The following NADK2 variants were observed in gnomAD, a reference collection of about 807,000 sequenced individuals.
NADK2 encodes the protein NAD kinase domain-containing protein 1, mitochondrial.
In NADK2, 35 loss-of-function variants were observed where a neutral mutation model predicts 62.1. The observed-to-expected ratio is 0.56, with a 90% CI of 0.43 to 0.75. The LOEUF is 0.75. Among genes scored for constraint, NADK2 ranks in the 30% least tolerant of loss-of-function variants. The pLI is 0.00. For missense variants in NADK2, 439 were observed against 561.3 expected, an observed-to-expected ratio of 0.78 and a Z score of 2.20; for synonymous variants, 205 against 207.9, an observed-to-expected ratio of 0.99 and a Z score of 0.12.
At chr5:36,217,528 A>G (rs545075511) in intron 6 of NADK2, among the ~76,000 whole-genome samples, 49 of 152,252 alleles carry the variant, frequency 3.2e-4, no homozygotes, top group African/African-American at 1.1e-3. Flanking sequence ...TCCTTCCCTA[A>G]TCAGCTAGTT....
chr5:36,217,843 G>A lies in NADK2; in HGVS notation c.686C>T (p.Thr229Ile). Residue 229 changes from threonine to isoleucine, a missense_variant, in exon 6 of 12, where the codon ACT (threonine) becomes ATT (isoleucine). By Grantham distance (89) the Thr-to-Ile change is moderately conservative. Transcript: ENST00000381937. ...GTCCACAGGTACAGGGTTTATGCCA[G>A]TCCCTTCAAGGTATAACCTGATTCT... ...RQRIRLYLEG[T>I]GINPVPVDLH... The A allele has an allele frequency of 6.2e-7, 1 of 1,613,914 alleles. No individual in the cohort carries two copies. The highest frequency in any genetic ancestry group is 8.5e-7 in the Non-Finnish European group (1 of 1,179,872).
At position 36,205,470 on chromosome 5, in the gene NADK2, G is replaced by A. The variant is rs1344913419; in HGVS notation, c.956+1700C>T. Reference sequence around the variant, plus strand: ...ATTGCAAGTAGCTGTGCCAATTCTAGTGTGCCATAGGTGGGGGTAAGGGTA... The same window carrying A: ...ATTGCAAGTAGCTGTGCCAATTCTAATGTGCCATAGGTGGGGGTAAGGGTA... On this transcript the variant is annotated intron_variant, in intron 8 of 11. Coordinates refer to ENST00000381937, the MANE Select transcript of NADK2 (RefSeq NM_001085411.3). This position sits in a 1 kb window ranked among gnomAD's most constrained non-coding sequence, Gnocchi z 4.1. Among the ~76,000 whole-genome samples, 3 of 152,068 alleles carry A rather than the reference G, an allele frequency of 2.0e-5. No homozygotes were observed. Among genetic ancestry groups the A allele is most frequent in the Admixed American group, 2.0e-4 (3 of 15,232 alleles).
At chr5:36,198,319 T>C (rs1210198407) in intron 10 of NADK2, among the ~76,000 whole-genome samples, 1 of 151,964 alleles carries the variant, frequency 6.6e-6, no homozygotes, top group Non-Finnish European at 1.5e-5. Flanking sequence ...ATCTACCTTA[T>C]TTATAAAAGT....
chr5:36,221,057 T>C (rs139595077), intron 4 of NADK2: 2 of 152,354 alleles, frequency 1.3e-5, no homozygotes, highest in South Asian at 2.1e-4. Flanking sequence ...CCATCCTTGA[T>C]TGAATATTGG....
In NADK2 at chr5:36,241,645, G is replaced by C; in HGVS notation, c.154C>G (p.Pro52Ala). The change falls in exon 1 of 12, where the codon CCG becomes GCG. Residue 52 changes from proline to alanine, a missense_variant. By Grantham distance (27) the Pro-to-Ala change is conservative (BLOSUM62 -1). Coordinates refer to ENST00000381937, the MANE Select transcript of NADK2 (RefSeq NM_001085411.3). This position sits in a 1 kb window ranked among gnomAD's most constrained non-coding sequence, Gnocchi z 4.9. Reference protein sequence around the residue: ...GGRRHLGQGQPRELAGCGSRA... With the variant: ...GGRRHLGQGQARELAGCGSRA... ...CTGCCACAGCCCGCCAGCTCGCGCG[G>C]CTGCCCCTGCCCCAGGTGCCGCCGG... The C allele has an allele frequency of 7.0e-7, 1 of 1,426,344 alleles. No homozygotes were observed. The highest frequency in any genetic ancestry group is 1.5e-5 in the African/African-American group (1 of 67,102). 88.4% of individuals were successfully genotyped at this position (1,426,344 alleles called of 1,614,324 possible). A position where few individuals can be genotyped will look rare whatever the true frequency, so the allele number is the denominator to read the frequency against.
At chr5:36,223,784 C>T (rs1463934269) in intron 4 of NADK2, among the ~76,000 whole-genome samples, 1 of 151,968 alleles carries the variant, frequency 6.6e-6, no homozygotes, top group East Asian at 1.9e-4. Flanking sequence ...GTGGCGATAC[C>T]AAGCTTGGGG....
intron 6 of NADK2, among the ~76,000 whole-genome samples, chr5:36,212,721 G>A (rs757394734): frequency 6.6e-6 from 1 of 152,152 alleles, no homozygotes; most frequent in Non-Finnish European, 1.5e-5. Flanking sequence ...TGACAAGTTT[G>A]CTGTCAGACA....
intron 1 of NADK2, among the ~76,000 whole-genome samples, chr5:36,239,753 G>A (rs1199716296): frequency 6.6e-6 from 1 of 152,134 alleles, no homozygotes; most frequent in Non-Finnish European, 1.5e-5. Context: ...ACTGTAAAGG[G>A]CCTTGGAGGC....
chr5:36,197,561 A>C lies in NADK2; in HGVS notation c.1170T>G (p.Arg390=), dbSNP rs1349650772. The C allele has an allele frequency of 1.2e-6, 2 of 1,612,322 alleles. No homozygotes were observed. The highest frequency in any genetic ancestry group is 1.7e-6 in the Non-Finnish European group (2 of 1,178,944). ...PIANRVFSSS[R]QRCFSSKVCV... is the part of the protein sequence containing the mutation. ...CTTACTTTGAGGAGAAACAACGCTG[A>C]CGACTGCTTGAGAAAACTCTATTTG... Residue 390 remains arginine, a synonymous_variant, in exon 11 of 12, where the codon CGT becomes CGG. Coordinates refer to ENST00000381937, the MANE Select transcript of NADK2 (RefSeq NM_001085411.3).
intron 3 of NADK2, 67 bp downstream of exon 3, chr5:36,226,408 G>A (rs1747484231): frequency 8.1e-7 from 1 of 1,235,692 alleles, no homozygotes; most frequent in Non-Finnish European, 1.2e-6. Context: ...AGACCCTAGG[G>A]TATCTGGAAA....
chr5:36,204,374 T>C (rs1746558170), intron 8 of NADK2, among the ~76,000 whole-genome samples: 1 of 152,154 alleles, frequency 6.6e-6, no homozygotes, highest in Non-Finnish European at 1.5e-5. Context: ...TGCAGGCCAG[T>C]ACTCTTTTCA....
At chr5:36,198,349 T>C (rs1235690032) in intron 10 of NADK2, among the ~76,000 whole-genome samples, 2 of 151,826 alleles carry the variant, frequency 1.3e-5, no homozygotes, top group African/African-American at 2.4e-5. Flanking sequence ...ATTACTGACT[T>C]TAAAAAAAAT....
At chr5:36,224,204 C>T (rs547571310) in intron 4 of NADK2, among the ~76,000 whole-genome samples, 2 of 152,212 alleles carry the variant, frequency 1.3e-5, no homozygotes, top group South Asian at 4.1e-4. Flanking sequence ...ACCCAATGAT[C>T]TTTTTTTCCC....
intron 11 of NADK2, among the ~76,000 whole-genome samples, chr5:36,196,636 T>C (rs1561052796): frequency 6.6e-6 from 1 of 152,176 alleles, no homozygotes; most frequent in East Asian, 1.9e-4. Flanking sequence ...TGTAGTTCAA[T>C]TTGTCAATCT....
chr5:36,224,556 C>CA (rs756009943), intron 4 of NADK2, among the ~76,000 whole-genome samples: 5,443 of 72,360 alleles, frequency 0.075, 321 homozygotes, highest in African/African-American at 0.2. Flanking sequence ...GACTCTGTCT[C>CA]AAAAAAAAAA....
chr5:36,210,207 A>G (rs1319701621), intron 7 of NADK2, among the ~76,000 whole-genome samples: 3 of 152,286 alleles, frequency 2.0e-5, no homozygotes, highest in East Asian at 1.9e-4. Flanking sequence ...TTACATCTAC[A>G]AGGATGAGAA....
chr5:36,200,201 A>C, intron 10 of NADK2, 26 bp downstream of exon 10: 1 of 1,528,308 alleles, frequency 6.5e-7, no homozygotes, highest in Non-Finnish European at 8.9e-7. Context: ...CTAAACTGTT[A>C]GTGATTATTA....
At chr5:36,198,430 G>A (rs1333398893) in intron 10 of NADK2, among the ~76,000 whole-genome samples, 1 of 151,664 alleles carries the variant, frequency 6.6e-6, no homozygotes, top group Non-Finnish European at 1.5e-5. Context: ...AGCTCTGAAG[G>A]AAATTTCAAG....
At chr5:36,206,151 G>A (rs1209897495) in intron 8 of NADK2, among the ~76,000 whole-genome samples, 2 of 151,990 alleles carry the variant, frequency 1.3e-5, no homozygotes, top group Non-Finnish European at 2.9e-5. Context: ...TGTGGGGTGG[G>A]AGACTGTGGG....
Sources: allele counts gnomAD v4.1 joint callset (sites outside exome capture counted in the v4.1 genomes callset), GRCh38; gene constraint gnomAD v4.1.1; non-coding constraint Gnocchi (gnomAD v3.1); transcripts MANE v1.5; gene names NCBI Gene and HGNC (gene_info 2026-07-23, HGNC 2026-07-21).